The following CFTR variants were observed in gnomAD, a reference collection of about 807,000 sequenced individuals.
CFTR encodes cystic fibrosis transmembrane conductance regulator.
CFTR carries 181 observed loss-of-function variants against 171.6 expected under a neutral mutation model. That is an observed-to-expected ratio of 1.05 (90% CI 0.93 to 1.19). The LOEUF is 1.19. CFTR is among the 50% of genes most tolerant of loss of function. The pLI is 0.00. For synonymous variants in CFTR, 583 were observed against 608.0 expected (o/e 0.96, Z 0.60); for missense variants, 1,968 against 1,734.7 (o/e 1.13, Z -2.39).
rs147422190 is a variant in CFTR, at chr7:117,548,758, G to T, written c.1327G>T (p.Asp443Tyr). The change falls in exon 10 of 27, where the codon GAT becomes TAT. Residue 443 changes from aspartate (D) to tyrosine (Y), a missense_variant. Coordinates refer to ENST00000003084, the MANE Select transcript of CFTR (RefSeq NM_000492.4). ...ACTTCTTGGTACTCCTGTCCTGAAA[G>T]ATATTAATTTCAAGATAGAAAGAGG... ...FSLLGTPVLKDINFKIERGQL... is the reference protein window; with the variant it reads ...FSLLGTPVLKYINFKIERGQL... 5.7e-4 allele frequency: 925 copies of T among 1,612,974 alleles called. No individual in the cohort carries two copies. The highest frequency in any genetic ancestry group is 7.2e-4 in the Non-Finnish European group (848 of 1,179,382).
intron 16 of CFTR, 74 bp from the exon 17 acceptor site, chr7:117,603,458 G>A: frequency 1.9e-6 from 3 of 1,556,116 alleles, no homozygotes; most frequent in Non-Finnish European, 2.7e-6. Context: ...CTCAAGTTTA[G>A]TTCCATTTAC....
chr7:117,539,735 A>C (rs1259268011), intron 7 of CFTR, among the ~76,000 whole-genome samples: 2 of 152,110 alleles, frequency 1.3e-5, no homozygotes, highest in Non-Finnish European at 2.9e-5. Context: ...ACAAGCAAAA[A>C]ATGATTAGTC....
intron 1 of CFTR, among the ~76,000 whole-genome samples, chr7:117,496,497 C>T (rs1798243334): frequency 6.6e-6 from 1 of 152,186 alleles, no homozygotes; most frequent in African/African-American, 2.4e-5. Context: ...AGCCACAGCA[C>T]CTGGCTTGCA....
At chr7:117,653,565 A>G (rs1479839860) in intron 24 of CFTR, among the ~76,000 whole-genome samples, 1 of 152,088 alleles carries the variant, frequency 6.6e-6, no homozygotes, top group African/African-American at 2.4e-5. Context: ...CACATGTCCT[A>G]CATTCTAATA....
chr7:117,567,661 A>C (rs1469266354), intron 11 of CFTR, among the ~76,000 whole-genome samples: 2 of 152,156 alleles, frequency 1.3e-5, no homozygotes, highest in Non-Finnish European at 1.5e-5. Flanking sequence ...TCGTATTTGT[A>C]ATGAGTTTAT....
intron 15 of CFTR, among the ~76,000 whole-genome samples, chr7:117,601,721 A>G (rs1792228292): frequency 6.6e-6 from 1 of 152,172 alleles, no homozygotes; most frequent in African/African-American, 2.4e-5. Context: ...GTATAATTTC[A>G]GTGTCATTTC....
chr7:117,509,153 C>T lies in CFTR; in HGVS notation c.273+11C>T, dbSNP rs1237346434. Reference sequence around the variant, plus strand: ...TTTTTATATTTAGGGGTAAGGATCTCATTTGTACATTCATTATGTATCACA... The same window carrying T: ...TTTTTATATTTAGGGGTAAGGATCTTATTTGTACATTCATTATGTATCACA... On this transcript the variant is annotated intron_variant, in intron 3 of 26. Coordinates refer to ENST00000003084, the MANE Select transcript of CFTR (RefSeq NM_000492.4). 2.2e-6 allele frequency: 3 copies of T among 1,358,524 alleles called. No homozygotes were observed. In the African/African-American group the frequency reaches 4.3e-5, roughly 19 times the overall value. The allele number at this position is 1,358,524 out of a possible 1,614,324, so 84.2% of individuals were successfully genotyped here. A position where few individuals can be genotyped will look rare whatever the true frequency, so the allele number is the denominator to read the frequency against.
chr7:117,484,167 A>G (rs1373767671), intron 1 of CFTR, among the ~76,000 whole-genome samples: 1 of 152,198 alleles, frequency 6.6e-6, no homozygotes, highest in East Asian at 1.9e-4. Flanking sequence ...CCAGTTGGCT[A>G]CCCAAACAAG....
intron 23 of CFTR, among the ~76,000 whole-genome samples, chr7:117,643,638 A>G (rs1266277911): frequency 6.6e-6 from 1 of 152,198 alleles, no homozygotes; most frequent in Non-Finnish European, 1.5e-5. Context: ...TCAGAAAGAA[A>G]AAAGGGATTG....
chr7:117,568,710 C>A (rs933748487), intron 11 of CFTR, among the ~76,000 whole-genome samples: 7 of 152,132 alleles, frequency 4.6e-5, no homozygotes, highest in African/African-American at 1.7e-4. Context: ...AGCTCATTAA[C>A]ATATCCATCA....
intron 20 of CFTR, among the ~76,000 whole-genome samples, 200 bp downstream of exon 20, chr7:117,612,008 T>TAG (rs1792398771): frequency 3.0e-5 from 3 of 100,046 alleles, no homozygotes; most frequent in Admixed American, 1.2e-4. Flanking sequence ...TGAAATCGGA[T>TAG]ATATATATAT....
intron 23 of CFTR, among the ~76,000 whole-genome samples, chr7:117,648,216 T>G (rs1793028358): frequency 6.6e-6 from 1 of 151,744 alleles, no homozygotes; most frequent in African/African-American, 2.4e-5. Context: ...CAAACAGCAC[T>G]GTATGCTTAA....
At chr7:117,652,609 G>T (rs906623724) in intron 23 of CFTR, among the ~76,000 whole-genome samples, 1 of 151,968 alleles carries the variant, frequency 6.6e-6, no homozygotes, top group African/African-American at 2.4e-5. Flanking sequence ...ATTGGGATTA[G>T]AAAAATGTTC....
chr7:117,561,309 C>T (rs1799460174), intron 11 of CFTR, among the ~76,000 whole-genome samples: 1 of 149,818 alleles, frequency 6.7e-6, no homozygotes, highest in African/African-American at 2.4e-5. Context: ...GGAAGAACAT[C>T]TTTTTTTTTT....
rs1800095 is a variant in CFTR, at chr7:117,559,655, G to A, written c.1584G>A (p.Glu528=). Reference sequence around the variant, plus strand: ...TCATCAAAGCATGCCAACTAGAAGAGGTAAGAAACTATGTGAAAACTTTTT... The same window carrying A: ...TCATCAAAGCATGCCAACTAGAAGAAGTAAGAAACTATGTGAAAACTTTTT... ...RSVIKACQLE[E]DISKFAEKDN... The change falls in exon 11 of 27, where the codon GAG becomes GAA. Residue 528 remains glutamate (E), a splice_region_variant and synonymous_variant. Coordinates refer to ENST00000003084, the MANE Select transcript of CFTR (RefSeq NM_000492.4). 32,332 of 1,609,992 alleles carry A rather than the reference G, an allele frequency of 0.02. 394 individuals carry two copies. Among genetic ancestry groups the A allele is most frequent in the Non-Finnish European group, 0.024 (27,803 of 1,176,838 alleles).
chr7:117,565,020 C>T (rs1791578016), intron 11 of CFTR, among the ~76,000 whole-genome samples: 1 of 152,166 alleles, frequency 6.6e-6, no homozygotes, highest in Non-Finnish European at 1.5e-5. Context: ...ATAAACAGCT[C>T]CATGTCCTAT....
chr7:117,540,310 AT>A lies in CFTR; in HGVS notation c.1081del (p.Trp361GlyfsTer8), dbSNP rs387906361. 1 of 1,613,832 alleles carries A rather than the reference AT, an allele frequency of 6.2e-7. No homozygotes were observed. The highest frequency in any genetic ancestry group is 8.5e-7 in the Non-Finnish European group (1 of 1,179,832). ...GGCAATTTCCCTGGGCTGTACAAAC[AT>A]GGTATGACTCTCTTGGAGCAATAAA... The part of the protein sequence containing the change: ...TRQFPWAVQT[W>X]YDSLGAINKI... On this transcript the variant is annotated frameshift_variant, in exon 8 of 27. Coordinates refer to ENST00000003084, the MANE Select transcript of CFTR (RefSeq NM_000492.4). LOFTEE classifies it high-confidence loss of function.
At chr7:117,664,899 G>A (rs1302302722) in intron 25 of CFTR, 39 bp downstream of exon 25, 2 of 1,594,590 alleles carry the variant, frequency 1.3e-6, no homozygotes, top group Non-Finnish European at 1.7e-6. Flanking sequence ...AGCACAGTGG[G>A]AACAGAATCA....
chr7:117,557,273 C>G (rs1799376753), intron 10 of CFTR, among the ~76,000 whole-genome samples: 1 of 152,134 alleles, frequency 6.6e-6, no homozygotes, highest in East Asian at 1.9e-4. Flanking sequence ...ATTATTTCTA[C>G]TGCTTGGAAT....
Sources: gnomAD v4.1 joint callset for allele counts (sites outside exome capture counted in the v4.1 genomes callset) on GRCh38, gnomAD v4.1.1 for gene constraint, MANE v1.5 for transcripts, NCBI Gene and HGNC (gene_info 2026-07-23, HGNC 2026-07-21) for gene names.